The following PVT1 variants were observed in gnomAD, a reference collection of about 807,000 sequenced individuals.
PVT1 encodes the protein CXCR4/PVT1 fusion.
rs563230995 is a variant in PVT1, at chr8:127,794,992, A to C, written n.194+258A>C. On this transcript the variant is annotated intron_variant and non_coding_transcript_variant, in intron 1 of 10. Transcript: ENST00000651587. The stretch of plus-strand genomic sequence containing the variant: ...GATTTATGAACTTGATCAAAGGCAT[A>C]TTAACTAATTTCTAAAAATAGACCC... Among the ~76,000 whole-genome samples, 14 of 152,252 alleles carry C rather than the reference A, an allele frequency of 9.2e-5. No homozygotes were observed. The South Asian group carries it at 2.7e-3, about 29-fold the overall frequency.
At chr8:127,853,928 G>A (rs148846573) in intron 2 of PVT1, among the ~76,000 whole-genome samples, 100 of 151,742 alleles carry the variant, frequency 6.6e-4, no homozygotes, top group African/African-American at 2.1e-3. Context: ...CTTTACCCCC[G>A]CCCCCATCCC....
chr8:128,073,178 C>T (rs1405583907), intron 5 of PVT1, among the ~76,000 whole-genome samples: 1 of 152,068 alleles, frequency 6.6e-6, no homozygotes, highest in East Asian at 1.9e-4. Context: ...GTCTGAGGGG[C>T]AGCATGTTCT....
At chr8:127,894,345 T>C (rs1815647396) in intron 3 of PVT1, among the ~76,000 whole-genome samples, 1 of 152,186 alleles carries the variant, frequency 6.6e-6, no homozygotes, top group African/African-American at 2.4e-5. Context: ...AGCTGGTGTG[T>C]ATGAATACCT....
intron 2 of PVT1, among the ~76,000 whole-genome samples, chr8:127,845,079 G>A (rs2129722640): frequency 6.6e-6 from 1 of 152,312 alleles, no homozygotes; most frequent in Non-Finnish European, 1.5e-5. Flanking sequence ...TGTTTTATGT[G>A]TGGGGGGTGT....
chr8:127,862,268 C>T (rs1021180709), intron 2 of PVT1, among the ~76,000 whole-genome samples: 6 of 151,978 alleles, frequency 3.9e-5, no homozygotes, highest in African/African-American at 1.2e-4. Flanking sequence ...ATTAGCCAGG[C>T]GTGGTGGCAG....
At chr8:128,086,758 A>G (rs1814262880) in intron 5 of PVT1, among the ~76,000 whole-genome samples, 1 of 152,224 alleles carries the variant, frequency 6.6e-6, no homozygotes, top group Admixed American at 6.5e-5. Context: ...CTCAAATGGA[A>G]CAGCTTAACT....
chr8:127,823,202 T>G (rs1465588037), intron 2 of PVT1, among the ~76,000 whole-genome samples: 1 of 152,186 alleles, frequency 6.6e-6, no homozygotes, highest in Admixed American at 6.5e-5. Context: ...CTAAAGGTGG[T>G]TTCTGCTCAA....
At chr8:128,071,654 C>T (rs1012392147) in intron 5 of PVT1, among the ~76,000 whole-genome samples, 7 of 150,798 alleles carry the variant, frequency 4.6e-5, no homozygotes, top group Admixed American at 4.0e-4. Context: ...CATTGCTCTC[C>T]AGCCTGAGAG....
intron 3 of PVT1, among the ~76,000 whole-genome samples, chr8:127,927,926 A>G (rs1247048384): frequency 6.6e-6 from 1 of 152,226 alleles, no homozygotes. Context: ...AGGGTTAAAT[A>G]CTTTACAAAA....
At chr8:127,807,806 A>C (rs1031039876) in intron 2 of PVT1, among the ~76,000 whole-genome samples, 4 of 151,678 alleles carry the variant, frequency 2.6e-5, no homozygotes, top group African/African-American at 9.7e-5. Context: ...TCGCTCTGTC[A>C]CCCAGGCTGG....
chr8:127,881,452 A>G (rs578092724), intron 2 of PVT1, among the ~76,000 whole-genome samples: 1 of 146,966 alleles, frequency 6.8e-6, no homozygotes, highest in East Asian at 2.0e-4. Flanking sequence ...TATTATTATT[A>G]TTATTATTAT....
intron 2 of PVT1, among the ~76,000 whole-genome samples, chr8:127,861,923 A>T (rs965060136): frequency 1.3e-5 from 2 of 152,090 alleles, no homozygotes; most frequent in African/African-American, 4.8e-5. Flanking sequence ...AAACCTTTTC[A>T]TGTGTCTCTG....
intron 4 of PVT1, among the ~76,000 whole-genome samples, chr8:128,054,666 T>A (rs1478579120): frequency 6.6e-6 from 1 of 152,044 alleles, no homozygotes; most frequent in East Asian, 1.9e-4. Context: ...GGGCACTCCA[T>A]GTTTAATCTG....
intron 4 of PVT1, among the ~76,000 whole-genome samples, chr8:128,069,250 C>T (rs534437074): frequency 1.3e-5 from 2 of 152,290 alleles, no homozygotes; most frequent in African/African-American, 2.4e-5. Context: ...AAGAGCATGA[C>T]AGCTTCTTTT....
At chr8:127,902,711 T>C (rs1307705859) in intron 3 of PVT1, among the ~76,000 whole-genome samples, 1 of 152,140 alleles carries the variant, frequency 6.6e-6, no homozygotes, top group African/African-American at 2.4e-5. Context: ...TCAGCATTAG[T>C]TTGCTTATGA....
intron 5 of PVT1, among the ~76,000 whole-genome samples, chr8:128,073,215 G>C (rs1445160399): frequency 2.0e-5 from 3 of 152,168 alleles, no homozygotes; most frequent in Non-Finnish European, 4.4e-5. Context: ...CAAGCTCAGT[G>C]ATGTGGCTTT....
chr8:128,069,766 C>T (rs961691759), intron 4 of PVT1, among the ~76,000 whole-genome samples: 3 of 152,162 alleles, frequency 2.0e-5, no homozygotes, highest in Non-Finnish European at 4.4e-5. Context: ...GCCAAAGAGC[C>T]GTAGCCAGTA....
intron 2 of PVT1, among the ~76,000 whole-genome samples, chr8:127,883,282 A>G (rs886204205): frequency 6.6e-6 from 1 of 152,202 alleles, no homozygotes; most frequent in African/African-American, 2.4e-5. Flanking sequence ...CCAACCCTGT[A>G]TACTTTAAGT....
At chr8:128,092,687 C>T in intron 5 of PVT1, among the ~76,000 whole-genome samples, 1 of 152,170 alleles carries the variant, frequency 6.6e-6, no homozygotes, top group Non-Finnish European at 1.5e-5. Flanking sequence ...GGGTCTACAG[C>T]CAAGTGTGGG....
Sources: gnomAD v4.1 joint callset for allele counts (sites outside exome capture counted in the v4.1 genomes callset) on GRCh38, gnomAD v4.1.1 for gene constraint, MANE v1.5 for transcripts, NCBI Gene and HGNC (gene_info 2026-07-23, HGNC 2026-07-21) for gene names.